Variants in EXD2 observed in about 807,000 individuals in gnomAD.
EXD2 encodes exonuclease 3'-5' domain-containing protein 2.
In EXD2, 40 loss-of-function variants were observed where a neutral mutation model predicts 62.5. That is an observed-to-expected ratio of 0.64 (90% CI 0.50 to 0.83). The LOEUF (loss-of-function observed/expected upper bound fraction) is 0.83, where lower values mean the gene tolerates loss of function less well. Ranked by LOEUF, EXD2 falls within the 40% of genes least tolerant of loss-of-function variation. EXD2 has a pLI of 0.00. For missense variants in EXD2, 671 were observed against 761.8 expected (o/e 0.88, Z 1.40); for synonymous variants, 239 against 291.9 (o/e 0.82, Z 1.85).
intron 2 of EXD2, among the ~76,000 whole-genome samples, chr14:69,204,391 G>T (rs894689201): frequency 2.0e-5 from 3 of 152,026 alleles, no homozygotes; most frequent in Non-Finnish European, 2.9e-5. Context: ...GCAATATAGT[G>T]TGACCCGCAT....
intron 3 of EXD2, among the ~76,000 whole-genome samples, chr14:69,212,699 ATTTTTTTTTT>A (rs71102635): frequency 1.7e-5 from 1 of 57,322 alleles, no homozygotes; most frequent in Non-Finnish European, 3.0e-5. Flanking sequence ...ATGGTTCTTG[ATTTTTTTTTT>A]TTTTTTTTTT....
chr14:69,240,824 G>A (rs1440239976), intron 9 of EXD2, 60 bp from the exon 10 acceptor site: 1 of 1,481,074 alleles, frequency 6.8e-7, no homozygotes, highest in East Asian at 2.3e-5. Context: ...ATTTGAAGCT[G>A]TCTGTGAGGC....
intron 1 of EXD2, among the ~76,000 whole-genome samples, chr14:69,201,003 G>A (rs951233374): frequency 2.0e-5 from 3 of 151,668 alleles, no homozygotes; most frequent in African/African-American, 4.8e-5. Flanking sequence ...GAACTCGGGA[G>A]GCAGAAGTTG....
intron 7 of EXD2, 90 bp from the exon 8 acceptor site, chr14:69,236,317 A>G: frequency 1.3e-6 from 2 of 1,592,322 alleles, no homozygotes; most frequent in South Asian, 1.1e-5. Flanking sequence ...CTGCCAGGCC[A>G]TAGCAGAGAA....
intron 1 of EXD2, among the ~76,000 whole-genome samples, chr14:69,203,294 T>C (rs2140210204): frequency 6.6e-6 from 1 of 152,114 alleles, no homozygotes; most frequent in Non-Finnish European, 1.5e-5. Flanking sequence ...CTAGGTAGTC[T>C]TGAACTCCTG....
chr14:69,241,486 CAG>C lies in EXD2; in HGVS notation c.*387_*388del, dbSNP rs561394670. On this transcript the variant is annotated 3_prime_UTR_variant, in exon 10 of 10. Transcript: ENST00000685843. Reference sequence around the variant, plus strand: ...GTCTAGTGCCTCGGTTTATCTCTAACAGGGGCTGTCCAGTATATCGGTCCTGT... The same window carrying C: ...GTCTAGTGCCTCGGTTTATCTCTAACGGGCTGTCCAGTATATCGGTCCTGT... 387 of 258,576 alleles carry C rather than the reference CAG, an allele frequency of 1.5e-3. 9 individuals carry two copies. The South Asian group carries it at 0.029, about 19-fold the overall frequency. 16.0% of individuals were successfully genotyped at this position (258,576 alleles called of 1,614,324 possible).
chr14:69,209,645 G>T lies in EXD2; in HGVS notation c.175G>T (p.Asp59Tyr). 1.3e-6 allele frequency: 2 copies of T among 1,550,532 alleles called. No homozygotes were observed. Among genetic ancestry groups the T allele is most frequent in the Non-Finnish European group, 1.7e-6 (2 of 1,146,982 alleles). The change falls in exon 3 of 10, where the codon GAT becomes TAT. Residue 59 changes from aspartate to tyrosine, a missense_variant. Asp to Tyr is a radical substitution (Grantham distance 160, BLOSUM62 -3). Coordinates refer to ENST00000685843, the MANE Select transcript of EXD2 (RefSeq NM_001193360.2). ...GSRELPPPED[D>Y]QLHSSAPRSS... ...TAGAGAGCTGCCCCCTCCAGAAGAT[G>T]ATCAGCTGCACTCCAGTGCCCCCAG...
At chr14:69,231,038 A>G (rs962882957) in intron 5 of EXD2, among the ~76,000 whole-genome samples, 2 of 151,854 alleles carry the variant, frequency 1.3e-5, no homozygotes, top group African/African-American at 4.8e-5. Context: ...ACCCACCTCA[A>G]CCTCCAGGTG....
chr14:69,233,764 CTTT>C (rs1392382633), intron 5 of EXD2, among the ~76,000 whole-genome samples: 4 of 115,206 alleles, frequency 3.5e-5, no homozygotes, highest in Non-Finnish European at 5.6e-5. Flanking sequence ...GACCACGCTA[CTTT>C]TTTTTTTTTT....
rs761102147 is a variant in EXD2, at chr14:69,236,523, AAG to A, written c.1279_1280del (p.Asp427LeufsTer11). The A allele has an allele frequency of 3.7e-6, 6 of 1,614,168 alleles. No homozygotes were observed. The highest frequency in any genetic ancestry group is 4.2e-6 in the Non-Finnish European group (5 of 1,180,026). ...VKENLCVVCG[K>X]RDSYIRKNVI... The stretch of plus-strand genomic sequence containing the variant: ...AGAGAACCTGTGTGTAGTGTGTGGC[AAG>A]AGAGACTCCTACATTCGGTGAGTGC... On this transcript the variant is annotated frameshift_variant, in exon 8 of 10. Coordinates refer to ENST00000685843, the MANE Select transcript of EXD2 (RefSeq NM_001193360.2). LOFTEE classifies it high-confidence loss of function.
In EXD2 at chr14:69,237,680, C is replaced by T. The variant is rs1409864119; in HGVS notation, c.1398C>T (p.Ser466=). Residue 466 remains serine (S), a synonymous_variant, in exon 9 of 10, where the codon TCC becomes TCT. Transcript: ENST00000685843. The part of the protein sequence containing the change: ...LLLCTSCHAI[S]NYYDNHLKQQ... ...TCTGCACCTCCTGCCATGCCATTTC[C>T]AACTACTATGACAACCATCTGAAGC... The T allele has an allele frequency of 6.2e-7, 1 of 1,614,212 alleles. No individual in the cohort carries two copies. Among genetic ancestry groups the T allele is most frequent in the Non-Finnish European group, 8.5e-7 (1 of 1,180,032 alleles).
intron 2 of EXD2, among the ~76,000 whole-genome samples, chr14:69,208,252 CCA>C (rs556152264): frequency 8.9e-4 from 128 of 144,434 alleles, no homozygotes; most frequent in African/African-American, 3.1e-3. Context: ...ACTCTGTCAC[CCA>C]GACTGGAGTG....
In EXD2 at chr14:69,241,413, G is replaced by A; in HGVS notation, c.*313G>A. On this transcript the variant is annotated 3_prime_UTR_variant, in exon 10 of 10. Coordinates refer to ENST00000685843, the MANE Select transcript of EXD2 (RefSeq NM_001193360.2). ...GGAAAAATGAAGAATTCTCCCAGAA[G>A]TGACTTGTCAAGACTTAAAAAAAAT... 2 of 313,882 alleles carry A rather than the reference G, an allele frequency of 6.4e-6. No homozygotes were observed. The highest frequency in any genetic ancestry group is 1.2e-5 in the Non-Finnish European group (2 of 170,642). The allele number at this position is 313,882 out of a possible 1,614,324, so 19.4% of individuals were successfully genotyped here.
intron 3 of EXD2, among the ~76,000 whole-genome samples, chr14:69,222,329 A>G (rs190570756): frequency 3.6e-4 from 55 of 151,438 alleles, no homozygotes; most frequent in African/African-American, 1.3e-3. Context: ...TCTTATGTCT[A>G]TTGTTTCTTT....
Position 69,209,735 on chromosome 14 carries a change from G to C in EXD2, c.265G>C (p.Asp89His). Residue 89 changes from aspartate (D) to histidine (H), a missense_variant, in exon 3 of 10, where the codon GAT (aspartate) becomes CAT (histidine). Transcript: ENST00000685843. ...VVTVSQEAEW[D>H]QIEPLLRSEL... ...GACGGTGTCTCAGGAGGCAGAGTGG[G>C]ATCAAATCGAGCCCTTGCTTAGAAG... is the stretch of plus-strand genomic sequence containing the variant. The C allele has an allele frequency of 6.5e-7, 1 of 1,548,772 alleles. No individual in the cohort carries two copies. Among genetic ancestry groups the C allele is most frequent in the East Asian group, 2.4e-5 (1 of 40,840 alleles).
chr14:69,206,455 CT>C lies in EXD2; in HGVS notation c.-48+2486del, dbSNP rs56333403. On this transcript the variant is annotated intron_variant, in intron 2 of 9. Transcript: ENST00000685843. Reference sequence around the variant, plus strand: ...CCCAGCTTCATCTCCCACCCACCCACTTTTTTTTTTTTTTTTTTTTTTTTTT... The same window carrying C: ...CCCAGCTTCATCTCCCACCCACCCACTTTTTTTTTTTTTTTTTTTTTTTTT... Among the ~76,000 whole-genome samples the C allele has an allele frequency of 2.0e-3, 193 of 94,624 alleles. 36 individuals carry two copies. The highest frequency in any genetic ancestry group is 5.8e-3 in the Middle Eastern group (1 of 172). The allele number at this position is 94,624 out of a possible 152,430, so 62.1% of individuals were successfully genotyped here. A position where few individuals can be genotyped will look rare whatever the true frequency, so the allele number is the denominator to read the frequency against.
intron 1 of EXD2, among the ~76,000 whole-genome samples, chr14:69,196,358 A>G (rs2042203481): frequency 6.6e-6 from 1 of 152,208 alleles, no homozygotes; most frequent in Non-Finnish European, 1.5e-5. Context: ...GGGGAATACG[A>G]TTCAACTCAT....
intron 5 of EXD2, among the ~76,000 whole-genome samples, chr14:69,231,468 C>A (rs2038915210): frequency 6.6e-6 from 1 of 152,158 alleles, no homozygotes; most frequent in East Asian, 1.9e-4. Flanking sequence ...TCATTTTTAT[C>A]AGGTTAATAT....
chr14:69,227,574 G>A (rs543576077), intron 3 of EXD2, among the ~76,000 whole-genome samples: 16 of 152,284 alleles, frequency 1.1e-4, no homozygotes, highest in African/African-American at 2.4e-4. Context: ...TCAGCCAGGC[G>A]CAGTGGCTCA....
Sources: gnomAD v4.1 joint callset for allele counts (sites outside exome capture counted in the v4.1 genomes callset) on GRCh38, gnomAD v4.1.1 for gene constraint, MANE v1.5 for transcripts, NCBI Gene and HGNC (gene_info 2026-07-23, HGNC 2026-07-21) for gene names.